Variants in ADAM23 observed in about 807,000 individuals in gnomAD.
ADAM23 encodes the protein disintegrin and metalloproteinase domain-containing protein 23.
A neutral mutation model predicts 120.1 loss-of-function variants in ADAM23; 33 were observed. The observed-to-expected ratio is 0.27, with a 90% CI of 0.21 to 0.37. ADAM23 has a LOEUF of 0.37. ADAM23 is among the 10% of genes least tolerant of loss of function. The pLI is 1.00. For synonymous variants in ADAM23, 367 were observed against 375.2 expected (o/e 0.98, Z 0.25); for missense variants, 862 against 1,058.2 (o/e 0.81, Z 2.57).
intron 3 of ADAM23, among the ~76,000 whole-genome samples, chr2:206,482,309 T>C (rs1574490257): frequency 6.6e-6 from 1 of 152,364 alleles, no homozygotes. Context: ...TTTTCCTCTT[T>C]GGTTGAGTTC....
rs779781736 is a variant in ADAM23, at chr2:206,548,346, G to A, written c.859G>A (p.Ala287Thr). 6 of 1,609,056 alleles carry A rather than the reference G, an allele frequency of 3.7e-6. No homozygotes were observed. Among genetic ancestry groups the A allele is most frequent in the Non-Finnish European group, 5.1e-6 (6 of 1,179,914 alleles). The change falls in exon 8 of 26, where the codon GCA becomes ACA. Residue 287 changes from alanine to threonine, a missense_variant. Around this residue, in one of 4 missense-constraint regions of ADAM23, gnomAD observed 617 missense variants for 813.5 expected, o/e 0.76. Transcript: ENST00000264377. The stretch of plus-strand genomic sequence containing the variant: ...ACAGTGGTTGAAAAGAAGGAAGAGA[G>A]CAGTGAATGTGAGTGTGGCATTGAG... ...ELQWLKRRKR[A>T]VNPSRGIFEE...
chr2:206,455,469 C>T (rs759732114), intron 2 of ADAM23, among the ~76,000 whole-genome samples: 7 of 152,180 alleles, frequency 4.6e-5, no homozygotes, highest in Non-Finnish European at 8.8e-5. Flanking sequence ...CATTTTCATT[C>T]ACCTCCTCTT....
chr2:206,551,420 G>A (rs1418019607), intron 9 of ADAM23, among the ~76,000 whole-genome samples: 1 of 152,012 alleles, frequency 6.6e-6, no homozygotes, highest in Non-Finnish European at 1.5e-5. Flanking sequence ...TAAACTCTAA[G>A]GCAAAAAGTA....
chr2:206,618,740 A>G lies in ADAM23; in HGVS notation c.*1113A>G, dbSNP rs1338604328. On this transcript the variant is annotated 3_prime_UTR_variant, in exon 26 of 26. Coordinates refer to ENST00000264377, the MANE Select transcript of ADAM23 (RefSeq NM_003812.4). ...GGACATAAACAACAAAATAACCCAT[A>G]TCAAAGACACAAAATTATGTAAATG... 3 of 152,210 alleles carry G rather than the reference A, an allele frequency of 2.0e-5. No individual in the cohort carries two copies. The highest frequency in any genetic ancestry group is 7.2e-5 in the African/African-American group (3 of 41,434). The allele number at this position is 152,210 out of a possible 1,614,324, so 9.4% of individuals were successfully genotyped here.
intron 24 of ADAM23, among the ~76,000 whole-genome samples, chr2:206,602,856 T>C (rs1005659033): frequency 3.3e-5 from 5 of 152,062 alleles, no homozygotes; most frequent in Non-Finnish European, 7.4e-5. Flanking sequence ...GGACCAAGAC[T>C]GAAAATAATA....
intron 3 of ADAM23, among the ~76,000 whole-genome samples, chr2:206,487,008 T>A (rs1041789442): frequency 1.3e-5 from 2 of 152,200 alleles, no homozygotes; most frequent in African/African-American, 4.8e-5. Flanking sequence ...CTTAGCATAA[T>A]GTTTTGAGGT....
At chr2:206,553,116 G>A (rs1303750679) in intron 9 of ADAM23, among the ~76,000 whole-genome samples, 1 of 152,156 alleles carries the variant, frequency 6.6e-6, no homozygotes, top group Non-Finnish European at 1.5e-5. Flanking sequence ...GGTGGCTCAC[G>A]CCTATAATCG....
chr2:206,598,578 A>G (rs1469259273), intron 24 of ADAM23, among the ~76,000 whole-genome samples: 2 of 152,148 alleles, frequency 1.3e-5, no homozygotes, highest in Non-Finnish European at 2.9e-5. Context: ...AAATACGGAA[A>G]ATATTAAAAC....
rs756626481 is a variant in ADAM23 at position 206,445,362 on chromosome 2, C to G, written c.270C>G (p.Asp90Glu). 4 of 1,613,952 alleles carry G rather than the reference C, an allele frequency of 2.5e-6. No individual in the cohort carries two copies. Residue 90 changes from aspartate (D) to glutamate (E), a missense_variant, in exon 2 of 26, where the codon GAC (aspartate) becomes GAG (glutamate). Asp to Glu is a conservative substitution (Grantham distance 45). Coordinates refer to ENST00000264377, the MANE Select transcript of ADAM23 (RefSeq NM_003812.4). ...ATTTGGGAGTCCTGGCAGATGAAGA[C>G]AATACATTGCAACAGAATAGCAGCA... ...EKNLGVLADE[D>E]NTLQQNSSSN... is the part of the protein sequence containing the mutation.
At chr2:206,567,376 C>T (rs1697907388) in intron 15 of ADAM23, 54 bp downstream of exon 15, 7 of 1,393,730 alleles carry the variant, frequency 5.0e-6, no homozygotes, top group African/African-American at 1.4e-5. Context: ...CAGTGTTTTA[C>T]AGTGCAACAG....
At chr2:206,548,597 C>G (rs1255922373) in intron 8 of ADAM23, among the ~76,000 whole-genome samples, 1 of 152,138 alleles carries the variant, frequency 6.6e-6, no homozygotes, top group Admixed American at 6.5e-5. Flanking sequence ...ATCTAAAGAA[C>G]GTGTTGTTTT....
intron 25 of ADAM23, among the ~76,000 whole-genome samples, chr2:206,614,815 A>G (rs1698903797): frequency 6.6e-6 from 1 of 152,182 alleles, no homozygotes; most frequent in Admixed American, 6.5e-5. Context: ...TCTTTCCACG[A>G]GGAGGATAAC....
chr2:206,589,275 G>C, intron 20 of ADAM23, 134 bp from the exon 21 acceptor site: 1 of 657,414 alleles, frequency 1.5e-6, no homozygotes, highest in East Asian at 2.8e-5. Context: ...ATGGAAACTT[G>C]CAAATGCTAC....
intron 25 of ADAM23, among the ~76,000 whole-genome samples, chr2:206,612,938 G>A (rs1698853311): frequency 6.6e-6 from 1 of 152,212 alleles, no homozygotes. Flanking sequence ...GTTAATGCAA[G>A]CAAGACTTCC....
intron 10 of ADAM23, among the ~76,000 whole-genome samples, chr2:206,559,127 G>A (rs1697707411): frequency 6.6e-6 from 1 of 152,092 alleles, no homozygotes; most frequent in Non-Finnish European, 1.5e-5. Context: ...TGTATTTTTA[G>A]TAGAGACGGG....
intron 18 of ADAM23, among the ~76,000 whole-genome samples, chr2:206,578,833 C>T (rs754819917): frequency 2.0e-5 from 3 of 152,138 alleles, no homozygotes; most frequent in African/African-American, 4.8e-5. Context: ...TCCATAGTGG[C>T]GGTACTAGTT....
At chr2:206,489,079 GA>G (rs1696075990) in intron 3 of ADAM23, among the ~76,000 whole-genome samples, 1 of 152,168 alleles carries the variant, frequency 6.6e-6, no homozygotes, top group Non-Finnish European at 1.5e-5. Flanking sequence ...GGAACATGTG[GA>G]GAAGAAACAG....
At chr2:206,475,905 A>C (rs1695764158) in intron 2 of ADAM23, among the ~76,000 whole-genome samples, 1 of 152,198 alleles carries the variant, frequency 6.6e-6, no homozygotes, top group Non-Finnish European at 1.5e-5. Context: ...CAACAAGATA[A>C]AGGAAATAAA....
chr2:206,531,630 G>A (rs1398639637), intron 4 of ADAM23, among the ~76,000 whole-genome samples: 2 of 152,162 alleles, frequency 1.3e-5, no homozygotes, highest in African/African-American at 2.4e-5. Context: ...AGTGACCTCC[G>A]TCAGTCAGGG....
Sources: allele counts gnomAD v4.1 joint callset (sites outside exome capture counted in the v4.1 genomes callset), GRCh38; gene constraint gnomAD v4.1.1; regional missense constraint gnomAD v4.1.1; transcripts MANE v1.5; gene names NCBI Gene and HGNC (gene_info 2026-07-23, HGNC 2026-07-21).